Variants in NUP54 observed in about 807,000 individuals in gnomAD.
The protein encoded by NUP54 is nucleoporin p54.
NUP54 carries 27 observed loss-of-function variants against 66.4 expected under a neutral mutation model. That is an observed-to-expected ratio of 0.41 (90% CI 0.30 to 0.56). The LOEUF (loss-of-function observed/expected upper bound fraction) is 0.56, where lower values mean the gene tolerates loss of function less well. Ranked by LOEUF, NUP54 falls within the 20% of genes least tolerant of loss-of-function variation. The pLI is 0.34. For synonymous variants in NUP54, 206 were observed against 210.7 expected (o/e 0.98, Z 0.19); for missense variants, 486 against 596.3 (o/e 0.82, Z 1.93).
rs775624363 is a variant in NUP54 at position 76,144,170 on chromosome 4, T to C, written c.274A>G (p.Thr92Ala). Reference protein sequence around the residue: ...GTGLGFGGFNTQQQQQTTLGG... With the variant: ...GTGLGFGGFNAQQQQQTTLGG... The stretch of plus-strand genomic sequence containing the variant: ...TTACTAGTTTGCTGCTGCTGCTGTG[T>C]ATTAAATCCTCCAAATCCCAGTCCA... Residue 92 changes from threonine (T) to alanine (A), a missense_variant, in exon 3 of 12, where the codon ACA becomes GCA. This residue lies in a region of NUP54 where 145 missense variants were observed against 137.1 expected (regional missense o/e 1.06). Transcript: ENST00000264883. The C allele has an allele frequency of 2.5e-6, 4 of 1,589,198 alleles. No individual in the cohort carries two copies. The highest frequency in any genetic ancestry group is 1.3e-5 in the African/African-American group (1 of 74,380).
chr4:76,127,123 AT>A (rs1417861802), intron 8 of NUP54, among the ~76,000 whole-genome samples: 1 of 152,166 alleles, frequency 6.6e-6, no homozygotes, highest in Non-Finnish European at 1.5e-5. Context: ...GGAATATCAT[AT>A]TTTTATAGGC....
At chr4:76,122,939 A>C (rs1166409415) in intron 9 of NUP54, among the ~76,000 whole-genome samples, 1 of 152,226 alleles carries the variant, frequency 6.6e-6, no homozygotes, top group Non-Finnish European at 1.5e-5. Flanking sequence ...ACATTATGCT[A>C]AGTAAAAGCC....
chr4:76,118,595 T>G (rs1730072824), intron 9 of NUP54, among the ~76,000 whole-genome samples: 1 of 140,274 alleles, frequency 7.1e-6, no homozygotes, highest in Non-Finnish European at 1.5e-5. Flanking sequence ...TCTCACTATG[T>G]GGCCCAGGCT....
chr4:76,118,109 A>G lies in NUP54; in HGVS notation c.1250T>C (p.Ile417Thr). 1 of 1,613,920 alleles carries G rather than the reference A, an allele frequency of 6.2e-7. No homozygotes were observed. Among genetic ancestry groups the G allele is most frequent in the Admixed American group, 1.7e-5 (1 of 60,024 alleles). ...AGTAGGTGCATTTAGTTCACCCTGA[A>G]TCGTATCCAGCTGAACTCGCAACTG... Reference protein sequence around the residue: ...EEQLRVQLDTIQGELNAPTQF... With the variant: ...EEQLRVQLDTTQGELNAPTQF... Residue 417 changes from isoleucine (I) to threonine (T), a missense_variant, in exon 10 of 12, where the codon ATT becomes ACT. Ile to Thr is a moderately conservative substitution (Grantham distance 89). This residue lies in a region of NUP54 where 83 missense variants were observed against 128.6 expected (regional missense o/e 0.65). Transcript: ENST00000264883.
Position 76,132,430 on chromosome 4 carries a change from A to G in NUP54, c.907+93T>C, listed in dbSNP as rs1578682416. 13 of 836,206 alleles carry G rather than the reference A, an allele frequency of 1.6e-5. No individual in the cohort carries two copies. In the East Asian group the frequency reaches 3.5e-4, roughly 22 times the overall value. The allele number at this position is 836,206 out of a possible 1,614,324, so 51.8% of individuals were successfully genotyped here. ...ATGACAAGATGATACTAATTTTATTAGCATTAATAACCAACCAACACCTCT... is the reference window on the plus strand; with the variant it reads ...ATGACAAGATGATACTAATTTTATTGGCATTAATAACCAACCAACACCTCT... On this transcript the variant is annotated intron_variant, in intron 6 of 11. Coordinates refer to ENST00000264883, the MANE Select transcript of NUP54 (RefSeq NM_017426.4).
intron 3 of NUP54, among the ~76,000 whole-genome samples, chr4:76,140,410 C>A (rs1371709436): frequency 6.6e-6 from 1 of 151,544 alleles, no homozygotes; most frequent in Non-Finnish European, 1.5e-5. Context: ...CTCAGCCTCC[C>A]GAGTAACTGG....
At position 76,144,395 on chromosome 4, in the gene NUP54, G is replaced by A. The variant is rs1015270133; in HGVS notation, c.146C>T (p.Thr49Ile). 4 of 1,608,084 alleles carry A rather than the reference G, an allele frequency of 2.5e-6. No individual in the cohort carries two copies. Among genetic ancestry groups the A allele is most frequent in the Non-Finnish European group, 3.4e-6 (4 of 1,178,566 alleles). Residue 49 changes from threonine to isoleucine, a missense_variant, in exon 2 of 12, where the codon ACT becomes ATT. This residue lies in a region of NUP54 where 145 missense variants were observed against 137.1 expected (regional missense o/e 1.06). Transcript: ENST00000264883. ...GACTTAAGATGGCCTCTTACCAGTA[G>A]TGCCTGTGTTAGTTGGGGCAGAAAA... is the stretch of plus-strand genomic sequence containing the variant. ...FSFSAPTNTG[T>I]TGLFGGTQNK...
At chr4:76,125,056 G>A (rs554169603) in intron 8 of NUP54, among the ~76,000 whole-genome samples, 39 of 151,812 alleles carry the variant, frequency 2.6e-4, no homozygotes, top group Admixed American at 2.2e-3. Context: ...TTGGGAGGAC[G>A]AGGCAGGCAA....
chr4:76,121,323 T>C (rs1294371001), intron 9 of NUP54, among the ~76,000 whole-genome samples: 1 of 152,240 alleles, frequency 6.6e-6, no homozygotes, highest in African/African-American at 2.4e-5. Context: ...AGACACTATA[T>C]TGATTCAATT....
rs1345532682 is a variant in NUP54 at position 76,120,100 on chromosome 4, ACAC to A, written c.1165-1909_1165-1907del. Among the ~76,000 whole-genome samples the A allele has an allele frequency of 2.6e-5, 4 of 152,252 alleles. No individual in the cohort carries two copies. The East Asian group carries it at 5.8e-4, about 22-fold the overall frequency. On this transcript the variant is annotated intron_variant, in intron 9 of 11. Coordinates refer to ENST00000264883, the MANE Select transcript of NUP54 (RefSeq NM_017426.4). ...CTTGATGGATATACATTTTGTTTTC[ACAC>A]TACAATGCCATAATAAACATTTTTG...
chr4:76,142,965 T>A (rs1731325085), intron 3 of NUP54, among the ~76,000 whole-genome samples: 1 of 152,138 alleles, frequency 6.6e-6, no homozygotes, highest in African/African-American at 2.4e-5. Flanking sequence ...AAGTTTCTCC[T>A]CACAGAAGTA....
chr4:76,132,787 C>T, intron 5 of NUP54, 68 bp from the exon 6 acceptor site: 1 of 1,154,896 alleles, frequency 8.7e-7, no homozygotes, highest in South Asian at 1.5e-5. Flanking sequence ...CTCAGCATAT[C>T]ATAGCATGTG....
At chr4:76,117,943 A>C in intron 10 of NUP54, 132 bp downstream of exon 10, 1 of 1,055,674 alleles carries the variant, frequency 9.5e-7, no homozygotes, top group Non-Finnish European at 1.4e-6. Context: ...GACTGAGTTT[A>C]CTTTAGAAAG....
intron 6 of NUP54, 71 bp downstream of exon 6, chr4:76,132,452 C>A: frequency 8.4e-7 from 1 of 1,189,682 alleles, no homozygotes; most frequent in Non-Finnish European, 1.1e-6. Context: ...CAACCAACAC[C>A]TCTGAAATAC....
At chr4:76,147,155 G>A (rs566455855) in intron 1 of NUP54, among the ~76,000 whole-genome samples, 1 of 152,182 alleles carries the variant, frequency 6.6e-6, no homozygotes, top group Admixed American at 6.5e-5. Context: ...AAGAATCCCA[G>A]GATGGGCTTG....
chr4:76,117,448 G>A lies in NUP54; in HGVS notation c.1395+216C>T, dbSNP rs115947260. Among the ~76,000 whole-genome samples the A allele has an allele frequency of 6.0e-3, 918 of 152,138 alleles. 22 individuals are homozygous for A. The highest frequency in any genetic ancestry group is 0.021 in the African/African-American group (878 of 41,494). On this transcript the variant is annotated intron_variant, in intron 11 of 11. Coordinates refer to ENST00000264883, the MANE Select transcript of NUP54 (RefSeq NM_017426.4). ...TGGGTATATATCCAGAAGTAGACCT[G>A]CTAGATCATATCGTAATTCTATCTT...
At chr4:76,144,345 C>T (rs955630043) in intron 2 of NUP54, 45 bp downstream of exon 2, 1 of 1,594,386 alleles carries the variant, frequency 6.3e-7, no homozygotes, top group South Asian at 1.2e-5. Context: ...AAAATCTGAC[C>T]TCTACTTCAT....
At chr4:76,115,596 C>CT (rs1578659165) in intron 11 of NUP54, 102 bp from the exon 12 acceptor site, 2 of 791,626 alleles carry the variant, frequency 2.5e-6, no homozygotes, top group East Asian at 5.9e-5. Context: ...ACTAGCAACA[C>CT]AGTACCTAGT....
intron 8 of NUP54, among the ~76,000 whole-genome samples, chr4:76,125,250 A>T (rs1168729250): frequency 1.3e-5 from 2 of 151,614 alleles, no homozygotes; most frequent in Non-Finnish European, 2.9e-5. Context: ...ACTGCACTCC[A>T]GCCTGGGCAA....
Sources: allele counts gnomAD v4.1 joint callset (sites outside exome capture counted in the v4.1 genomes callset), GRCh38; gene constraint gnomAD v4.1.1; regional missense constraint gnomAD v4.1.1; transcripts MANE v1.5; gene names NCBI Gene and HGNC (gene_info 2026-07-23, HGNC 2026-07-21).